The following PTPN14 variants were observed in gnomAD, a reference collection of about 807,000 sequenced individuals.
PTPN14 encodes the protein tyrosine-protein phosphatase non-receptor type 14.
In PTPN14, 53 loss-of-function variants were observed where a neutral mutation model predicts 126.8. That is an observed-to-expected ratio of 0.42 (90% CI 0.34 to 0.53). The LOEUF (loss-of-function observed/expected upper bound fraction) is 0.53, where lower values mean the gene tolerates loss of function less well. Ranked by LOEUF, PTPN14 falls within the 20% of genes least tolerant of loss-of-function variation. The pLI is 0.08. For missense variants in PTPN14, 1,257 were observed against 1,552.9 expected (o/e 0.81, Z 3.20); for synonymous variants, 630 against 599.3 (o/e 1.05, Z -0.75).
At chr1:214,470,653 A>T (rs1660733090) in intron 1 of PTPN14, among the ~76,000 whole-genome samples, 1 of 151,516 alleles carries the variant, frequency 6.6e-6, no homozygotes, top group South Asian at 2.1e-4. Flanking sequence ...GTGTGGTGGC[A>T]GATGCCCGTA....
In PTPN14 at chr1:214,401,690, C is replaced by T. The variant is rs761855974; in HGVS notation, c.664G>A (p.Val222Ile). 8 of 1,564,708 alleles carry T rather than the reference C, an allele frequency of 5.1e-6. No homozygotes were observed. Among genetic ancestry groups the T allele is most frequent in the Non-Finnish European group, 6.2e-6 (7 of 1,136,508 alleles). Residue 222 changes from valine (V) to isoleucine (I), a missense_variant, in exon 7 of 19, where the codon GTA becomes ATA. By Grantham distance (29) the Val-to-Ile change is conservative. Around this residue, in one of 3 missense-constraint regions of PTPN14, gnomAD observed 1,021 missense variants for 1,183.3 expected, o/e 0.86. Transcript: ENST00000366956. ...CACAGGGCACAGCATATTACCTTTA[C>T]AGGGAAGATTTCCTGTCCAAATCCA... ...LDGFGQEIFPVKDNHGNCVHL... is the reference protein window; with the variant it reads ...LDGFGQEIFPIKDNHGNCVHL...
chr1:214,461,838 T>C (rs770283935), intron 2 of PTPN14, among the ~76,000 whole-genome samples: 1 of 152,194 alleles, frequency 6.6e-6, no homozygotes, highest in African/African-American at 2.4e-5. Flanking sequence ...CTTTTTGTTA[T>C]ATCTTAGATT....
chr1:214,391,189 CA>C (rs1658743987), intron 10 of PTPN14, 144 bp from the exon 11 acceptor site: 1 of 447,106 alleles, frequency 2.2e-6, no homozygotes, highest in Admixed American at 4.0e-5. Flanking sequence ...TGGGTGGTAA[CA>C]CTAAGAACAA....
At chr1:214,471,228 G>A (rs75375087) in intron 1 of PTPN14, among the ~76,000 whole-genome samples, 1,936 of 151,936 alleles carry the variant, frequency 0.013, 41 homozygotes, top group African/African-American at 0.037. Flanking sequence ...ACTGGAAACC[G>A]AAAACTAAAG....
intron 1 of PTPN14, among the ~76,000 whole-genome samples, chr1:214,496,156 T>A (rs1353819345): frequency 6.6e-6 from 1 of 152,210 alleles, no homozygotes; most frequent in Non-Finnish European, 1.5e-5. Context: ...AGAAACGTAC[T>A]TCATTTCCTA....
intron 1 of PTPN14, among the ~76,000 whole-genome samples, chr1:214,539,540 C>T (rs1376914511): frequency 6.6e-6 from 1 of 152,126 alleles, no homozygotes; most frequent in East Asian, 1.9e-4. Context: ...TTTTATCATA[C>T]CCAAAAAGAT....
chr1:214,348,868 A>G lies in PTPN14; in HGVS notation c.*9054T>C, dbSNP rs572076848. 1.8e-4 allele frequency: 28 copies of G among 152,352 alleles called. No individual in the cohort carries two copies. Among genetic ancestry groups the G allele is most frequent in the African/African-American group, 5.5e-4 (23 of 41,594 alleles). The allele number at this position is 152,352 out of a possible 1,614,324, so 9.4% of individuals were successfully genotyped here. A position where few individuals can be genotyped will look rare whatever the true frequency, so the allele number is the denominator to read the frequency against. ...GTCCAATATCTAAATAAGACTTTAT[A>G]AAAACAGATAGGAAACAGTGCAAAA... On this transcript the variant is annotated 3_prime_UTR_variant, in exon 19 of 19. Coordinates refer to ENST00000366956, the MANE Select transcript of PTPN14 (RefSeq NM_005401.5).
At chr1:214,538,976 T>C (rs1046590681) in intron 1 of PTPN14, among the ~76,000 whole-genome samples, 2 of 152,220 alleles carry the variant, frequency 1.3e-5, no homozygotes, top group Admixed American at 6.5e-5. Flanking sequence ...TTCTTGAAAA[T>C]TGATTTTGTG....
Position 214,386,129 on chromosome 1 carries a change from C to T in PTPN14, c.1066+715G>A, listed in dbSNP as rs193240629. Reference sequence around the variant, plus strand: ...CATATATAAGTTCCATCATTAATCTCTCTGTATTCCAATTTCTATAACTGT... The same window carrying T: ...CATATATAAGTTCCATCATTAATCTTTCTGTATTCCAATTTCTATAACTGT... On this transcript the variant is annotated intron_variant, in intron 12 of 18. Transcript: ENST00000366956. Among the ~76,000 whole-genome samples the T allele has an allele frequency of 3.0e-3, 452 of 152,256 alleles. 1 individual carries two copies. The highest frequency in any genetic ancestry group is 9.7e-3 in the African/African-American group (404 of 41,550).
chr1:214,463,825 C>T (rs2102650715), intron 2 of PTPN14, among the ~76,000 whole-genome samples: 1 of 152,308 alleles, frequency 6.6e-6, no homozygotes, highest in Non-Finnish European at 1.5e-5. Context: ...TATTGGCAAC[C>T]ACTCAACCAT....
At chr1:214,521,688 T>C (rs929500710) in intron 1 of PTPN14, among the ~76,000 whole-genome samples, 5 of 151,524 alleles carry the variant, frequency 3.3e-5, no homozygotes, top group Non-Finnish European at 7.4e-5. Context: ...GCATTCCAGC[T>C]TGGGCAACAA....
At chr1:214,519,521 G>C (rs952413922) in intron 1 of PTPN14, among the ~76,000 whole-genome samples, 3 of 152,230 alleles carry the variant, frequency 2.0e-5, no homozygotes, top group Admixed American at 1.3e-4. Context: ...ATACATTCCA[G>C]GGACAGTTTC....
intron 3 of PTPN14, among the ~76,000 whole-genome samples, chr1:214,414,994 GA>G (rs1350203873): frequency 6.6e-6 from 1 of 152,156 alleles, no homozygotes; most frequent in African/African-American, 2.4e-5. Context: ...ATAAACCACT[GA>G]TAAGGACCAG....
chr1:214,492,222 A>G (rs2102419368), intron 1 of PTPN14, among the ~76,000 whole-genome samples: 1 of 152,318 alleles, frequency 6.6e-6, no homozygotes, highest in South Asian at 2.1e-4. Flanking sequence ...GGAGAATATA[A>G]TAATGAGTAA....
intron 1 of PTPN14, among the ~76,000 whole-genome samples, chr1:214,508,967 C>T (rs1327738965): frequency 6.6e-6 from 1 of 152,156 alleles, no homozygotes; most frequent in Non-Finnish European, 1.5e-5. Flanking sequence ...TTCAGTAAAC[C>T]ATGCTGAAAA....
At position 214,391,251 on chromosome 1, in the gene PTPN14, C is replaced by A. The variant is rs1658745089; in HGVS notation, c.930-206G>T. Among the ~76,000 whole-genome samples, 3 of 151,756 alleles carry A rather than the reference C, an allele frequency of 2.0e-5. No individual in the cohort carries two copies. The South Asian group carries it at 6.2e-4, about 32-fold the overall frequency. On this transcript the variant is annotated intron_variant, in intron 10 of 18. Transcript: ENST00000366956. ...TTTTCAAAATGTTCGGATAAGGATA[C>A]TTTTAGAATAAATTTTACAAAGTAA...
At position 214,402,874 on chromosome 1, in the gene PTPN14, C is replaced by T. The variant is rs1196319547; in HGVS notation, c.581+9G>A. Reference sequence around the variant, plus strand: ...GTGCAGGCAGCCCCTTACCCTCTGCCTGCCTTACCTGTGGGCTTTGTGTTC... The same window carrying T: ...GTGCAGGCAGCCCCTTACCCTCTGCTTGCCTTACCTGTGGGCTTTGTGTTC... On this transcript the variant is annotated intron_variant, in intron 6 of 18. Transcript: ENST00000366956. 1.2e-6 allele frequency: 2 copies of T among 1,613,800 alleles called. No homozygotes were observed. The highest frequency in any genetic ancestry group is 1.7e-6 in the Non-Finnish European group (2 of 1,179,890).
intron 1 of PTPN14, among the ~76,000 whole-genome samples, chr1:214,542,904 A>G (rs1185903421): frequency 2.0e-5 from 3 of 152,210 alleles, no homozygotes; most frequent in Non-Finnish European, 4.4e-5. Context: ...TTTCATGACC[A>G]TGAAATCTGC....
intron 5 of PTPN14, among the ~76,000 whole-genome samples, chr1:214,403,554 C>G (rs1209228449): frequency 6.6e-6 from 1 of 152,166 alleles, no homozygotes; most frequent in Non-Finnish European, 1.5e-5. Flanking sequence ...GAACCCCAGG[C>G]CCCTGGAACC....
Sources: allele counts gnomAD v4.1 joint callset (sites outside exome capture counted in the v4.1 genomes callset), GRCh38; gene constraint gnomAD v4.1.1; regional missense constraint gnomAD v4.1.1; transcripts MANE v1.5; gene names NCBI Gene and HGNC (gene_info 2026-07-23, HGNC 2026-07-21).